The following EBAG9 variants were observed in gnomAD, a reference collection of about 807,000 sequenced individuals.
The protein encoded by EBAG9 is receptor-binding cancer antigen expressed on SiSo cells.
A neutral mutation model predicts 30.9 loss-of-function variants in EBAG9; 16 were observed. That is an observed-to-expected ratio of 0.52 (90% confidence interval 0.35 to 0.79). The LOEUF (loss-of-function observed/expected upper bound fraction) is 0.79, where lower values mean the gene tolerates loss of function less well. EBAG9 is among the 30% of genes least tolerant of loss of function. EBAG9 has a pLI of 0.01. For synonymous variants in EBAG9, 93 were observed against 82.8 expected (o/e 1.12, Z -0.67); for missense variants, 197 against 242.1 (o/e 0.81, Z 1.24).
At position 109,564,555 on chromosome 8, in the gene EBAG9, C is replaced by G; in HGVS notation, c.638C>G (p.Ser213Ter). ...CAAAACAAAATTGGTGTGAAACTTT[C>G]ATAACACATGTTCAAATTTTATCAT... is the stretch of plus-strand genomic sequence containing the variant. ...KEQNKIGVKL[S>*] Residue 213 changes from serine (S) to a stop codon, truncating the protein, a stop_gained, in exon 7 of 7, where the codon TCA becomes TGA. Coordinates refer to ENST00000337573, the MANE Select transcript of EBAG9 (RefSeq NM_004215.5). LOFTEE classifies it high-confidence loss of function. The G allele has an allele frequency of 6.2e-7, 1 of 1,611,608 alleles. No homozygotes were observed. Among genetic ancestry groups the G allele is most frequent in the Non-Finnish European group, 8.5e-7 (1 of 1,178,402 alleles).
chr8:109,564,128 T>C (rs1443321329), intron 6 of EBAG9, among the ~76,000 whole-genome samples: 2 of 152,078 alleles, frequency 1.3e-5, no homozygotes, highest in Non-Finnish European at 2.9e-5. Context: ...AAATAAGAAG[T>C]GTCAGAAGAT....
intron 6 of EBAG9, 94 bp from the exon 7 acceptor site, chr8:109,564,345 T>C: frequency 1.4e-6 from 2 of 1,455,494 alleles, no homozygotes; most frequent in Non-Finnish European, 1.9e-6. Flanking sequence ...TTTTATTTGG[T>C]GATAATAAAA....
At chr8:109,554,919 A>T in intron 4 of EBAG9, 32 bp downstream of exon 4, 2 of 1,589,526 alleles carry the variant, frequency 1.3e-6, no homozygotes, top group Non-Finnish European at 1.7e-6. Flanking sequence ...TGGAGATTAA[A>T]CTACTTTTTA....
upstream of EBAG9, chr8:109,539,953 G>T (rs887893866): frequency 6.6e-6 from 1 of 152,338 alleles, no homozygotes; most frequent in East Asian, 1.9e-4. Context: ...GCCTGGGAGG[G>T]GCTTTCCTCT....
chr8:109,563,379 C>T (rs1435693997), intron 6 of EBAG9: 2 of 1,592,786 alleles, frequency 1.3e-6, no homozygotes, highest in Admixed American at 1.7e-5. Context: ...ATGATTTTCT[C>T]ACACCCTAAC....
chr8:109,559,538 G>A (rs1351957922), intron 5 of EBAG9, among the ~76,000 whole-genome samples: 1 of 152,160 alleles, frequency 6.6e-6, no homozygotes, highest in East Asian at 1.9e-4. Flanking sequence ...CCAGCCGAGT[G>A]CAGTGGCTCA....
In EBAG9 at chr8:109,565,852, C is replaced by A. The variant is rs975043740; in HGVS notation, c.*1293C>A. On this transcript the variant is annotated 3_prime_UTR_variant, in exon 7 of 7. Transcript: ENST00000337573. Reference sequence around the variant, plus strand: ...GTTATACAATGAGAACCCTTTAAGCCCTTAGCCTAAGCTTTCAGACTAAAT... The same window carrying A: ...GTTATACAATGAGAACCCTTTAAGCACTTAGCCTAAGCTTTCAGACTAAAT... 1 of 151,944 alleles carries A rather than the reference C, an allele frequency of 6.6e-6. No individual in the cohort carries two copies. 9.4% of individuals were successfully genotyped at this position (151,944 alleles called of 1,614,324 possible). A position where few individuals can be genotyped will look rare whatever the true frequency, so the allele number is the denominator to read the frequency against.
At position 109,550,834 on chromosome 8, in the gene EBAG9, A is replaced by G; in HGVS notation, c.10A>G (p.Thr4Ala). The G allele has an allele frequency of 6.2e-7, 1 of 1,602,768 alleles. No individual in the cohort carries two copies. Among genetic ancestry groups the G allele is most frequent in the East Asian group, 2.2e-5 (1 of 44,580 alleles). Residue 4 changes from threonine to alanine, a missense_variant, in exon 2 of 7, where the codon ACC (threonine) becomes GCC (alanine). Thr to Ala is a moderately conservative substitution (Grantham distance 58). Transcript: ENST00000337573. ...GGTTTTGATTCCCACCATGGCCATC[A>G]CCCAGTTTCGGTTATTTAAATTTTG... Reference protein sequence around the residue: MAITQFRLFKFCTC... With the variant: MAIAQFRLFKFCTC...
chr8:109,561,871 C>G (rs1586695728), intron 6 of EBAG9, among the ~76,000 whole-genome samples: 1 of 142,130 alleles, frequency 7.0e-6, no homozygotes, highest in African/African-American at 2.6e-5. Context: ...TGTTTTTTTC[C>G]TTTGAAATAT....
At chr8:109,562,761 G>C (rs1364853084) in intron 6 of EBAG9, among the ~76,000 whole-genome samples, 2 of 151,764 alleles carry the variant, frequency 1.3e-5, no homozygotes, top group Non-Finnish European at 2.9e-5. Flanking sequence ...TGAAATTTTT[G>C]AGAGTTTAGA....
At chr8:109,552,486 A>G (rs1563655086) in intron 2 of EBAG9, among the ~76,000 whole-genome samples, 1 of 152,224 alleles carries the variant, frequency 6.6e-6, no homozygotes, top group Non-Finnish European at 1.5e-5. Flanking sequence ...CAGGTAAAGC[A>G]ACATTAAAAA....
chr8:109,539,781 A>ATGAGCGGGGCTGGGAG (rs1423411114), upstream of EBAG9: 1 of 152,142 alleles, frequency 6.6e-6, no homozygotes, highest in Non-Finnish European at 1.5e-5. Context: ...CCGGCTTTGA[A>ATGAGCGGGGCTGGGAG]TGAGCGGGGC....
At chr8:109,553,844 A>G (rs376074688) in intron 2 of EBAG9, 21 bp from the exon 3 acceptor site, 30 of 1,586,392 alleles carry the variant, frequency 1.9e-5, no homozygotes, top group Non-Finnish European at 2.5e-5. Flanking sequence ...CTTGAAATAA[A>G]TTATTTCATT....
intron 5 of EBAG9, chr8:109,557,830 T>G: frequency 2.7e-6 from 1 of 372,158 alleles, no homozygotes; most frequent in Middle Eastern, 3.7e-4. Context: ...AAATTAATGC[T>G]ATTTGTTTGC....
intron 1 of EBAG9, chr8:109,540,854 C>T (rs562780797): frequency 6.6e-6 from 1 of 151,952 alleles, no homozygotes; most frequent in East Asian, 1.9e-4. Flanking sequence ...TGAAAAGATT[C>T]GTAAATAGAG....
chr8:109,547,225 A>G (rs536481074), intron 1 of EBAG9, among the ~76,000 whole-genome samples: 12 of 152,108 alleles, frequency 7.9e-5, no homozygotes, highest in Non-Finnish European at 1.6e-4. Context: ...GCTGGGTCAT[A>G]TGGTAGATGT....
At chr8:109,555,417 CATGTT>C in intron 4 of EBAG9, among the ~76,000 whole-genome samples, 1 of 152,178 alleles carries the variant, frequency 6.6e-6, no homozygotes, top group Admixed American at 6.6e-5. Flanking sequence ...TGTTTTCTGT[CATGTT>C]AAGTAAGAAT....
chr8:109,555,761 A>C (rs941504901), intron 4 of EBAG9, among the ~76,000 whole-genome samples: 6 of 152,212 alleles, frequency 3.9e-5, no homozygotes, highest in African/African-American at 1.4e-4. Flanking sequence ...TTAGAGATGC[A>C]GGGAATTACT....
At chr8:109,552,397 G>C (rs530100812) in intron 2 of EBAG9, among the ~76,000 whole-genome samples, 1 of 152,200 alleles carries the variant, frequency 6.6e-6, no homozygotes, top group African/African-American at 2.4e-5. Context: ...CAAGAGGATA[G>C]GATTTGGGAA....
Sources: allele counts gnomAD v4.1 joint callset (sites outside exome capture counted in the v4.1 genomes callset), GRCh38; gene constraint gnomAD v4.1.1; transcripts MANE v1.5; gene names NCBI Gene and HGNC (gene_info 2026-07-23, HGNC 2026-07-21).